Variants in PRIM2 observed in about 807,000 individuals in gnomAD.
PRIM2 encodes the protein DNA primase large subunit.
In PRIM2, 39 loss-of-function variants were observed where a neutral mutation model predicts 67.3. The observed-to-expected ratio is 0.58, with a 90% CI of 0.45 to 0.76. PRIM2 has a LOEUF of 0.76. Ranked by LOEUF, PRIM2 falls within the 30% of genes least tolerant of loss-of-function variation. The pLI, the probability that PRIM2 is intolerant of heterozygous loss-of-function variation, is 0.00. For missense variants in PRIM2, 398 were observed against 598.7 expected (o/e 0.66, Z 3.50); for synonymous variants, 143 against 198.7 (o/e 0.72, Z 2.36).
chr6:57,522,285 A>G (rs1774640727), intron 8 of PRIM2, among the ~76,000 whole-genome samples: 1 of 152,172 alleles, frequency 6.6e-6, no homozygotes, highest in Non-Finnish European at 1.5e-5. Flanking sequence ...TAGTGTAGCA[A>G]ATAGAAGTCA....
chr6:57,544,057 G>A (rs1268739017), intron 10 of PRIM2, among the ~76,000 whole-genome samples: 1 of 152,210 alleles, frequency 6.6e-6, no homozygotes, highest in Non-Finnish European at 1.5e-5. Context: ...AGTTAAAGAA[G>A]GAGGAAAGAA....
intron 5 of PRIM2, among the ~76,000 whole-genome samples, chr6:57,355,356 C>T (rs1768998605): frequency 6.7e-6 from 1 of 149,788 alleles, no homozygotes; most frequent in Non-Finnish European, 1.5e-5. Context: ...GAATATTTAA[C>T]AGACAGGTAT....
chr6:57,457,396 C>T (rs1772832034), intron 7 of PRIM2, among the ~76,000 whole-genome samples: 1 of 152,216 alleles, frequency 6.6e-6, no homozygotes, highest in African/African-American at 2.4e-5. Context: ...GTGGAGTCTG[C>T]AGAGGCAGGC....
chr6:57,225,615 C>T, the PRIM2 span, among the ~76,000 whole-genome samples: 1 of 152,164 alleles, frequency 6.6e-6, no homozygotes. Flanking sequence ...GAATCTAGTA[C>T]CTCCACTGAT....
At chr6:57,328,061 C>T (rs536555324) in intron 5 of PRIM2, among the ~76,000 whole-genome samples, 48 of 152,288 alleles carry the variant, frequency 3.2e-4, no homozygotes, top group East Asian at 2.3e-3. Context: ...TGGTAATGCT[C>T]GCTCACTGCT....
chr6:57,330,324 G>A (rs1258343089), intron 5 of PRIM2, among the ~76,000 whole-genome samples: 12 of 116,906 alleles, frequency 1.0e-4, no homozygotes, highest in Admixed American at 9.2e-4. Flanking sequence ...TATTGATCTT[G>A]TATCCTGCAA....
the PRIM2 span, among the ~76,000 whole-genome samples, chr6:57,266,261 T>A: frequency 6.6e-6 from 1 of 152,208 alleles, no homozygotes; most frequent in African/African-American, 2.4e-5. Flanking sequence ...TGTTTAAGCA[T>A]CTCAATGTGA....
the PRIM2 span, among the ~76,000 whole-genome samples, chr6:57,234,022 G>A: frequency 0.96 from 145,643 of 152,190 alleles, 69,727 homozygotes; most frequent in African/African-American, 0.99. Flanking sequence ...ATAAATAGAT[G>A]TATGATTTTC....
intron 7 of PRIM2, among the ~76,000 whole-genome samples, chr6:57,500,475 C>T (rs1774108979): frequency 6.6e-6 from 1 of 152,152 alleles, no homozygotes; most frequent in African/African-American, 2.4e-5. Context: ...AAGGTTTACT[C>T]AAGCAAAAAG....
chr6:57,502,592 A>G (rs1158702383), intron 7 of PRIM2, among the ~76,000 whole-genome samples: 1 of 152,134 alleles, frequency 6.6e-6, no homozygotes, highest in Non-Finnish European at 1.5e-5. Context: ...CTCCTCCTAT[A>G]GCTTATTAAA....
chr6:57,632,991 T>C (rs1777060641), intron 13 of PRIM2, among the ~76,000 whole-genome samples: 1 of 152,182 alleles, frequency 6.6e-6, no homozygotes, highest in Non-Finnish European at 1.5e-5. Context: ...ACAGAATAGA[T>C]TTTGAAGTGT....
chr6:57,436,787 G>A (rs1489520081), intron 7 of PRIM2, among the ~76,000 whole-genome samples: 1 of 152,046 alleles, frequency 6.6e-6, no homozygotes, highest in African/African-American at 2.4e-5. Context: ...ATATGCCCCA[G>A]GAGTCTCATG....
At chr6:57,237,737 A>G in the PRIM2 span, among the ~76,000 whole-genome samples, 1 of 152,040 alleles carries the variant, frequency 6.6e-6, no homozygotes, top group Non-Finnish European at 1.5e-5. Flanking sequence ...GATGTGTGGT[A>G]TTATTTCTGA....
Position 57,403,563 on chromosome 6 carries a change from A to G in PRIM2, c.693+21395A>G, listed in dbSNP as rs532989290. 1.3e-3 allele frequency among the ~76,000 whole-genome samples: 191 copies of G among 152,138 alleles called. 5 individuals are homozygous for G. In the East Asian group the frequency reaches 0.016, roughly 13 times the overall value. ...AGATGTAAGCCACCGCGCCTGGCCCATGTGAAGAATATTTTAAGAAGTTTT... is the reference window on the plus strand; with the variant it reads ...AGATGTAAGCCACCGCGCCTGGCCCGTGTGAAGAATATTTTAAGAAGTTTT... On this transcript the variant is annotated intron_variant, in intron 7 of 13. Coordinates refer to ENST00000615550, the MANE Select transcript of PRIM2 (RefSeq NM_000947.5).
intron 10 of PRIM2, among the ~76,000 whole-genome samples, chr6:57,559,437 C>T (rs1775585724): frequency 6.6e-6 from 1 of 152,056 alleles, no homozygotes; most frequent in African/African-American, 2.4e-5. Flanking sequence ...GCTAGTTATG[C>T]CTTTCTCAAA....
chr6:57,548,437 G>C (rs1775332147), intron 10 of PRIM2, among the ~76,000 whole-genome samples: 2 of 152,180 alleles, frequency 1.3e-5, no homozygotes, highest in African/African-American at 4.8e-5. Context: ...TCAAGTTGGG[G>C]TGGGCAGGAG....
chr6:57,493,625 C>A (rs1773943986), intron 7 of PRIM2, among the ~76,000 whole-genome samples: 1 of 152,118 alleles, frequency 6.6e-6, no homozygotes. Flanking sequence ...ACCATTCATT[C>A]AAAACATTTT....
intron 12 of PRIM2, among the ~76,000 whole-genome samples, chr6:57,619,868 TC>T (rs1215516746): frequency 6.6e-6 from 1 of 152,044 alleles, no homozygotes; most frequent in Non-Finnish European, 1.5e-5. Flanking sequence ...GAGGAAAACT[TC>T]CCCAGCCTTG....
the PRIM2 span, among the ~76,000 whole-genome samples, chr6:57,261,983 T>G: frequency 6.6e-6 from 1 of 152,222 alleles, no homozygotes; most frequent in Non-Finnish European, 1.5e-5. Context: ...TCCCTTCATT[T>G]GAACAATTTG....
Sources: gnomAD v4.1 joint callset for allele counts (sites outside exome capture counted in the v4.1 genomes callset) on GRCh38, gnomAD v4.1.1 for gene constraint, MANE v1.5 for transcripts, NCBI Gene and HGNC (gene_info 2026-07-23, HGNC 2026-07-21) for gene names.